Variants in GLIS3 observed in about 807,000 individuals in gnomAD.
The protein encoded by GLIS3 is zinc finger protein GLIS3.
Under a neutral mutation model 78.6 loss-of-function variants are expected in GLIS3, and 53 were observed. The ratio of observed to expected loss-of-function variants is 0.67; its 90% CI spans 0.54 to 0.85. GLIS3 has a LOEUF of 0.85. Ranked by LOEUF, GLIS3 falls within the 40% of genes least tolerant of loss-of-function variation. The probability of loss-of-function intolerance (pLI) is 0.00; values close to 1 mark genes in which losing one functional copy is unlikely to be tolerated. For synonymous variants in GLIS3, 684 were observed against 509.9 expected (o/e 1.34, Z -4.60); for missense variants, 1,703 against 1,231.1 (o/e 1.38, Z -5.74).
chr9:4,375,630 C>T, the GLIS3 span, among the ~76,000 whole-genome samples: 12 of 152,200 alleles, frequency 7.9e-5, no homozygotes, highest in African/African-American at 2.7e-4. Context: ...AGTAGAACTA[C>T]ACGTCCCTCC....
At chr9:4,445,168 C>G in the GLIS3 span, among the ~76,000 whole-genome samples, 1 of 152,150 alleles carries the variant, frequency 6.6e-6, no homozygotes, top group African/African-American at 2.4e-5. Flanking sequence ...CCTCACTGGA[C>G]CTCAGTTTAT....
intron 2 of GLIS3, among the ~76,000 whole-genome samples, chr9:4,230,871 T>A (rs960757300): frequency 4.6e-5 from 7 of 152,190 alleles, no homozygotes; most frequent in Non-Finnish European, 4.4e-5. Flanking sequence ...TCAGCCCACA[T>A]GAAATTAATT....
chr9:4,138,021 A>G (rs1833530689), intron 2 of GLIS3, among the ~76,000 whole-genome samples: 2 of 152,188 alleles, frequency 1.3e-5, no homozygotes, highest in Non-Finnish European at 2.9e-5. Context: ...CAGATCAGGT[A>G]TTTGTTTATT....
intron 4 of GLIS3, among the ~76,000 whole-genome samples, chr9:4,038,921 C>G (rs1292042771): frequency 1.3e-5 from 2 of 152,200 alleles, no homozygotes; most frequent in African/African-American, 4.8e-5. Context: ...ACCTCCAAGG[C>G]AGTCTAATTT....
intron 9 of GLIS3, among the ~76,000 whole-genome samples, chr9:3,838,932 G>A (rs548214622): frequency 2.6e-5 from 4 of 152,240 alleles, no homozygotes; most frequent in African/African-American, 9.6e-5. Flanking sequence ...TAACGTTGCT[G>A]AAAAAGCTCC....
intron 2 of GLIS3, among the ~76,000 whole-genome samples, chr9:4,165,310 A>C (rs1445657115): frequency 6.6e-6 from 1 of 152,130 alleles, no homozygotes; most frequent in Admixed American, 6.5e-5. Context: ...GCGTGGTGGC[A>C]CATGCCTGTA....
At chr9:4,437,742 C>T in the GLIS3 span, among the ~76,000 whole-genome samples, 1 of 152,146 alleles carries the variant, frequency 6.6e-6, no homozygotes, top group East Asian at 1.9e-4. Flanking sequence ...AGACCAAACC[C>T]ACCTCTTCCT....
At chr9:4,113,137 T>C (rs190187480) in intron 4 of GLIS3, among the ~76,000 whole-genome samples, 58 of 152,236 alleles carry the variant, frequency 3.8e-4, no homozygotes, top group African/African-American at 1.4e-3. Flanking sequence ...CAACAGTGTT[T>C]TTTGAAATGT....
At chr9:4,157,606 T>C (rs912719272) in intron 2 of GLIS3, among the ~76,000 whole-genome samples, 2 of 152,222 alleles carry the variant, frequency 1.3e-5, no homozygotes, top group African/African-American at 4.8e-5. Flanking sequence ...TAGGCCTAAC[T>C]CTGCTAAATT....
intron 4 of GLIS3, among the ~76,000 whole-genome samples, chr9:4,032,074 T>C (rs1403606205): frequency 1.3e-5 from 2 of 152,080 alleles, no homozygotes; most frequent in African/African-American, 4.8e-5. Flanking sequence ...AAAGGCAGCC[T>C]GAGCAGCCCT....
At chr9:4,420,077 T>C in the GLIS3 span, among the ~76,000 whole-genome samples, 2 of 152,162 alleles carry the variant, frequency 1.3e-5, no homozygotes, top group Admixed American at 6.5e-5. Flanking sequence ...TTGAAGGCTA[T>C]CAGCTGTGGT....
At chr9:4,282,450 C>A (rs80262953) in intron 2 of GLIS3, among the ~76,000 whole-genome samples, 2 of 152,112 alleles carry the variant, frequency 1.3e-5, no homozygotes, top group Admixed American at 1.3e-4. Context: ...AAGGTTGACC[C>A]TCGCCCCCGA....
chr9:4,237,228 A>G (rs1356785408), intron 2 of GLIS3, among the ~76,000 whole-genome samples: 1 of 152,138 alleles, frequency 6.6e-6, no homozygotes, highest in African/African-American at 2.4e-5. Flanking sequence ...AAAATAACCT[A>G]AAACGCCTTT....
At chr9:3,951,853 C>CACACAT (rs1816707871) in intron 4 of GLIS3, among the ~76,000 whole-genome samples, 1 of 143,618 alleles carries the variant, frequency 7.0e-6, no homozygotes, top group Non-Finnish European at 1.5e-5. Flanking sequence ...CACACACACA[C>CACACAT]ACACACACAC....
rs1384060493 is a variant in GLIS3 at position 4,118,835 on chromosome 9, T to C, written c.643A>G (p.Thr215Ala). 1 of 1,605,520 alleles carries C rather than the reference T, an allele frequency of 6.2e-7. No homozygotes were observed. Among genetic ancestry groups the C allele is most frequent in the Non-Finnish European group, 8.5e-7 (1 of 1,179,932 alleles). Residue 215 changes from threonine (T) to alanine (A), a missense_variant, in exon 4 of 11, where the codon ACG becomes GCG. Transcript: ENST00000381971. This position sits in a 1 kb window ranked among gnomAD's most constrained non-coding sequence, Gnocchi z 4.7. The part of the protein sequence containing the change: ...ESLASTTLSL[T>A]ESQSASSMKQ... The stretch of plus-strand genomic sequence containing the variant: ...ATGCTTGAGGCCGACTGACTTTCCG[T>C]CAGACTCAAGGTCGTGGACGCCAAA...
intron 2 of GLIS3, among the ~76,000 whole-genome samples, chr9:4,279,326 C>T (rs1412979890): frequency 0.056 from 1,041 of 18,522 alleles, 41 homozygotes; most frequent in African/African-American, 0.2. Flanking sequence ...TATATATATA[C>T]ACACACACAC....
intron 4 of GLIS3, among the ~76,000 whole-genome samples, chr9:4,009,501 G>C (rs955905577): frequency 6.6e-6 from 1 of 152,176 alleles, no homozygotes; most frequent in Non-Finnish European, 1.5e-5. Context: ...TCCCACCAGA[G>C]AGCAGAACTG....
At chr9:4,235,496 T>C (rs1379758707) in intron 2 of GLIS3, among the ~76,000 whole-genome samples, 1 of 152,166 alleles carries the variant, frequency 6.6e-6, no homozygotes, top group African/African-American at 2.4e-5. Flanking sequence ...TCAGAAGGTT[T>C]CTTGCAGTGA....
chr9:4,029,587 C>T (rs1823645052), intron 4 of GLIS3, among the ~76,000 whole-genome samples: 1 of 150,930 alleles, frequency 6.6e-6, no homozygotes, highest in South Asian at 2.1e-4. Flanking sequence ...CCCTGCCTGT[C>T]CCCCTCCCAA....
Sources: gnomAD v4.1 joint callset for allele counts (sites outside exome capture counted in the v4.1 genomes callset) on GRCh38, gnomAD v4.1.1 for gene constraint, Gnocchi (gnomAD v3.1) non-coding constraint, MANE v1.5 for transcripts, NCBI Gene and HGNC (gene_info 2026-07-23, HGNC 2026-07-21) for gene names.